Variants in IFT140 observed in about 807,000 individuals in gnomAD.
IFT140 encodes the protein intraflagellar transport 140.
In IFT140, 133 loss-of-function variants were observed where a neutral mutation model predicts 164.6. The ratio of observed to expected loss-of-function variants is 0.81; its 90% CI spans 0.70 to 0.93. The LOEUF (loss-of-function observed/expected upper bound fraction) is 0.93. IFT140 is among the 40% of genes least tolerant of loss of function. The pLI is 0.00. For synonymous variants in IFT140, 860 were observed against 817.3 expected (o/e 1.05, Z -0.89); for missense variants, 2,045 against 1,972.3 (o/e 1.04, Z -0.70).
chr16:1,603,376 G>A (rs1341278140), intron 3 of IFT140, among the ~76,000 whole-genome samples: 1 of 152,158 alleles, frequency 6.6e-6, no homozygotes, highest in Non-Finnish European at 1.5e-5. Context: ...TGACAGGTTA[G>A]TGCCATTCAT....
chr16:1,602,129 C>A, intron 4 of IFT140: 1 of 538,180 alleles, frequency 1.9e-6, no homozygotes, highest in South Asian at 2.1e-5. Flanking sequence ...TATCTGGGCA[C>A]GTATCTTTAC....
Position 1,529,369 on chromosome 16 carries a change from C to T in IFT140, c.2400-2573G>A, listed in dbSNP as rs537650529. Among the ~76,000 whole-genome samples, 15 of 152,342 alleles carry T rather than the reference C, an allele frequency of 9.8e-5. No homozygotes were observed. In the South Asian group the frequency reaches 1.5e-3, roughly 15 times the overall value. ...GCCTCCCTGCCACTGCCATTGCATG[C>T]GTGTCCTCTGATGGCCTCACATGGG... is the stretch of plus-strand genomic sequence containing the variant. On this transcript the variant is annotated intron_variant, in intron 19 of 30. Transcript: ENST00000426508.
At chr16:1,604,145 A>G (rs2035930790) in intron 3 of IFT140, among the ~76,000 whole-genome samples, 2 of 152,348 alleles carry the variant, frequency 1.3e-5, no homozygotes, top group Admixed American at 6.5e-5. Context: ...AAAATGGGCA[A>G]AAGTGGGGTT....
At position 1,602,001 on chromosome 16, in the gene IFT140, C is replaced by T. The variant is rs150715916; in HGVS notation, c.369+369G>A. Among the ~76,000 whole-genome samples the T allele has an allele frequency of 4.8e-3, 727 of 152,360 alleles. 3 individuals carry two copies. Among genetic ancestry groups the T allele is most frequent in the Non-Finnish European group, 7.8e-3 (532 of 68,044 alleles). On this transcript the variant is annotated intron_variant, in intron 4 of 30. Coordinates refer to ENST00000426508, the MANE Select transcript of IFT140 (RefSeq NM_014714.4). ...CCACAGGGGTCCAGCTGAATCCTCC[C>T]CCAAAATTGTGACAACAGAAAATGT...
chr16:1,579,895 C>T (rs571179585), intron 13 of IFT140, among the ~76,000 whole-genome samples: 20 of 148,952 alleles, frequency 1.3e-4, no homozygotes, highest in African/African-American at 4.7e-4. Flanking sequence ...ACCTGGGAGG[C>T]GGAGATTGCA....
chr16:1,521,308 C>T (rs1014157491), intron 26 of IFT140, among the ~76,000 whole-genome samples: 1 of 152,072 alleles, frequency 6.6e-6, no homozygotes, highest in African/African-American at 2.4e-5. Flanking sequence ...TCAAGCAATC[C>T]GCCTGCCTTA....
chr16:1,574,016 G>A (rs887747779), intron 13 of IFT140, among the ~76,000 whole-genome samples: 11 of 152,084 alleles, frequency 7.2e-5, no homozygotes, highest in Admixed American at 3.3e-4. Context: ...GCCTGCTGCC[G>A]CCACAGGTAG....
rs368579762 is a variant in IFT140 at position 1,522,655 on chromosome 16, G to A, written c.3453+863C>T. Among the ~76,000 whole-genome samples the A allele has an allele frequency of 1.1e-4, 16 of 152,238 alleles. No homozygotes were observed. In the East Asian group the frequency reaches 2.1e-3, roughly 20 times the overall value. On this transcript the variant is annotated intron_variant, in intron 26 of 30. Coordinates refer to ENST00000426508, the MANE Select transcript of IFT140 (RefSeq NM_014714.4). The stretch of plus-strand genomic sequence containing the variant: ...AGAGATCGAGACCATCCTGGCCAAC[G>A]TGGTGGAACCCCATCTCTACTAAAA...
At chr16:1,606,922 G>T (rs2036096905) in intron 3 of IFT140, among the ~76,000 whole-genome samples, 198 bp downstream of exon 3, 2 of 151,378 alleles carry the variant, frequency 1.3e-5, no homozygotes, top group Admixed American at 1.3e-4. Flanking sequence ...ACACCCACGT[G>T]TGCGCACACA....
At chr16:1,552,045 T>A (rs1208360666) in intron 19 of IFT140, among the ~76,000 whole-genome samples, 1 of 151,894 alleles carries the variant, frequency 6.6e-6, no homozygotes, top group Non-Finnish European at 1.5e-5. Flanking sequence ...GTGAGGGAGG[T>A]TGACCCTGGA....
Position 1,592,287 on chromosome 16 carries a change from TCACAGCTG to T in IFT140, c.515_522del (p.Ala172GlufsTer3). 1 of 1,614,142 alleles carries T rather than the reference TCACAGCTG, an allele frequency of 6.2e-7. No individual in the cohort carries two copies. The highest frequency in any genetic ancestry group is 8.5e-7 in the Non-Finnish European group (1 of 1,180,030). On this transcript the variant is annotated frameshift_variant, in exon 6 of 31. Transcript: ENST00000426508. LOFTEE classifies it high-confidence loss of function. Reference sequence around the variant, plus strand: ...ATGTCCAGGGCTTTCTCATCACCGCTCACAGCTGCCTTTGCCAACTGAACCAGGTCCCT... The same window carrying T: ...ATGTCCAGGGCTTTCTCATCACCGCTCCTTTGCCAACTGAACCAGGTCCCT...
chr16:1,549,126 C>T (rs1326049264), intron 19 of IFT140, among the ~76,000 whole-genome samples: 8 of 152,234 alleles, frequency 5.3e-5, no homozygotes, highest in East Asian at 1.9e-4. Flanking sequence ...GGCCTGGTGG[C>T]GCCTCTGGGT....
chr16:1,561,164 C>T (rs530395430), intron 18 of IFT140, among the ~76,000 whole-genome samples: 16 of 152,348 alleles, frequency 1.1e-4, no homozygotes, highest in South Asian at 6.2e-4. Flanking sequence ...GTCAGTGAAG[C>T]GAGGGGAGCA....
rs1290442516 is a variant in IFT140, at chr16:1,553,943, GT to G, written c.2399+3991del. On this transcript the variant is annotated intron_variant, in intron 19 of 30. Transcript: ENST00000426508. This position sits in a 1 kb window ranked among gnomAD's most constrained non-coding sequence, Gnocchi z 4.4. Reference sequence around the variant, plus strand: ...TTTGGAGCTCCTCAAAGATAAAACTGTAAGTGAAACTGTAGCATCAGCGACT... The same window carrying G: ...TTTGGAGCTCCTCAAAGATAAAACTGAAGTGAAACTGTAGCATCAGCGACT... 1.2e-5 allele frequency: 15 copies of G among 1,286,464 alleles called. No individual in the cohort carries two copies. The highest frequency in any genetic ancestry group is 1.5e-5 in the African/African-American group (1 of 65,774). 79.7% of individuals were successfully genotyped at this position (1,286,464 alleles called of 1,614,324 possible).
At chr16:1,570,002 C>T (rs1410436020) in intron 14 of IFT140, among the ~76,000 whole-genome samples, 1 of 152,200 alleles carries the variant, frequency 6.6e-6, no homozygotes, top group Admixed American at 6.5e-5. Flanking sequence ...ATTAGGACCT[C>T]TTTTGGTGGG....
At chr16:1,511,445 A>C (rs2667688) in intron 30 of IFT140, among the ~76,000 whole-genome samples, 1 of 152,100 alleles carries the variant, frequency 6.6e-6, no homozygotes, top group South Asian at 2.1e-4. Context: ...AGCTGTGCAC[A>C]GGCCTGCTCA....
At chr16:1,577,028 T>C (rs538199918) in intron 13 of IFT140, 1 of 152,216 alleles carries the variant, frequency 6.6e-6, no homozygotes, top group South Asian at 2.1e-4. Context: ...CATTAAAAAG[T>C]GACCTCTCAC....
chr16:1,540,886 T>C, intron 19 of IFT140: 2 of 985,402 alleles, frequency 2.0e-6, no homozygotes, highest in South Asian at 4.7e-5. Flanking sequence ...TTGCTTCACA[T>C]GCAGTCCCTG....
chr16:1,604,217 G>A (rs2035935570), intron 3 of IFT140, among the ~76,000 whole-genome samples: 1 of 151,874 alleles, frequency 6.6e-6, no homozygotes, highest in African/African-American at 2.4e-5. Context: ...CCAGTATATG[G>A]AGGAGCCTGC....
Sources: allele counts gnomAD v4.1 joint callset (sites outside exome capture counted in the v4.1 genomes callset), GRCh38; gene constraint gnomAD v4.1.1; non-coding constraint Gnocchi (gnomAD v3.1); transcripts MANE v1.5; gene names NCBI Gene and HGNC (gene_info 2026-07-23, HGNC 2026-07-21).